GPHN: variants seen among roughly 807,000 people sequenced by gnomAD.
GPHN encodes the protein gephyrin.
A neutral mutation model predicts 95.5 loss-of-function variants in GPHN; 17 were observed. The observed-to-expected ratio is 0.18, with a 90% CI of 0.12 to 0.27. The LOEUF (loss-of-function observed/expected upper bound fraction) is 0.27, where lower values mean the gene tolerates loss of function less well. GPHN is among the 10% of genes least tolerant of loss of function. The pLI is 1.00. For synonymous variants in GPHN, 320 were observed against 322.5 expected (o/e 0.99, Z 0.08); for missense variants, 660 against 978.1 (o/e 0.67, Z 4.34).
At chr14:67,306,796 G>C in the GPHN span, among the ~76,000 whole-genome samples, 1 of 152,182 alleles carries the variant, frequency 6.6e-6, no homozygotes, top group Non-Finnish European at 1.5e-5. Context: ...AAAGGAAACA[G>C]TAATAGGAAA....
chr14:67,172,976 C>T (rs544556800), intron 21 of GPHN, among the ~76,000 whole-genome samples: 7 of 152,298 alleles, frequency 4.6e-5, no homozygotes, highest in South Asian at 2.1e-4. Context: ...CAGCCCCAAA[C>T]GTCCAGGGGC....
chr14:67,299,891 C>T, the GPHN span, among the ~76,000 whole-genome samples: 6 of 152,268 alleles, frequency 3.9e-5, no homozygotes, highest in East Asian at 1.2e-3. Context: ...TCTTCCCATC[C>T]TCAGAGTTTC....
chr14:67,597,632 C>G, the GPHN span, among the ~76,000 whole-genome samples: 2 of 151,838 alleles, frequency 1.3e-5, no homozygotes, highest in African/African-American at 4.8e-5. Context: ...ATTGAATAAG[C>G]ATTAAGAAGA....
chr14:66,956,822 G>A (rs1490053680), intron 8 of GPHN, among the ~76,000 whole-genome samples: 20 of 151,976 alleles, frequency 1.3e-4, no homozygotes, highest in Middle Eastern at 3.4e-3. Flanking sequence ...TAGGGATATG[G>A]ATGAAATTGG....
At chr14:67,572,256 C>T in the GPHN span, 67 of 1,603,958 alleles carry the variant, frequency 4.2e-5, no homozygotes, top group African/African-American at 2.1e-4. Context: ...CCTACTCCAC[C>T]GACGGGCTGG....
chr14:67,312,177 T>C, the GPHN span: 2 of 161,660 alleles, frequency 1.2e-5, no homozygotes, highest in African/African-American at 2.4e-5. Flanking sequence ...GATATCCTTG[T>C]ACATATCTGC....
At chr14:67,510,454 T>C in the GPHN span, among the ~76,000 whole-genome samples, 1 of 152,194 alleles carries the variant, frequency 6.6e-6, no homozygotes, top group Non-Finnish European at 1.5e-5. Context: ...CAGCTGGTGA[T>C]TTAATAAGCA....
the GPHN span, among the ~76,000 whole-genome samples, chr14:67,537,163 G>A: frequency 3.4e-5 from 5 of 146,764 alleles, no homozygotes; most frequent in Non-Finnish European, 7.5e-5. Context: ...TGGGCACCAT[G>A]GTGAAACCCT....
chr14:66,972,055 G>T (rs1001573580), intron 9 of GPHN, among the ~76,000 whole-genome samples: 1 of 151,826 alleles, frequency 6.6e-6, no homozygotes, highest in South Asian at 2.1e-4. Context: ...GTCACTTGAG[G>T]TCAGGAGTTC....
chr14:67,297,214 C>T, the GPHN span, among the ~76,000 whole-genome samples: 1 of 152,150 alleles, frequency 6.6e-6, no homozygotes, highest in East Asian at 1.9e-4. Flanking sequence ...CAGATGCCCA[C>T]CATTAGTATT....
chr14:67,343,640 G>T, the GPHN span, among the ~76,000 whole-genome samples: 1 of 152,244 alleles, frequency 6.6e-6, no homozygotes, highest in Non-Finnish European at 1.5e-5. Context: ...TGAGGTGGGA[G>T]AATCACTTGA....
At chr14:66,897,504 C>A (rs1007197086) in intron 5 of GPHN, among the ~76,000 whole-genome samples, 1 of 152,092 alleles carries the variant, frequency 6.6e-6, no homozygotes. Context: ...GCCCCCCTTT[C>A]CTAAACTCTG....
At chr14:67,595,228 C>T in the GPHN span, among the ~76,000 whole-genome samples, 31 of 152,286 alleles carry the variant, frequency 2.0e-4, no homozygotes, top group East Asian at 7.7e-4. Flanking sequence ...TTTACAGTAA[C>T]GTGTGGTAAA....
the GPHN span, among the ~76,000 whole-genome samples, chr14:67,537,349 T>TAATAATAAC: frequency 8.2e-6 from 1 of 121,460 alleles, no homozygotes; most frequent in East Asian, 2.2e-4. Flanking sequence ...ATCTCAAAAA[T>TAATAATAAC]AATAATAATA....
intron 1 of GPHN, among the ~76,000 whole-genome samples, chr14:66,528,827 A>G (rs1288640511): frequency 1.3e-5 from 2 of 152,122 alleles, no homozygotes; most frequent in East Asian, 3.9e-4. Flanking sequence ...TTCTGCCGAG[A>G]GATCTGCTGT....
Position 66,740,014 on chromosome 14 carries a change from A to G in GPHN, c.144-36450A>G, listed in dbSNP as rs541506228. On this transcript the variant is annotated intron_variant, in intron 2 of 22. Transcript: ENST00000478722. ...GGAGTATAACAGCAGAACAGATACA[A>G]TTGAAGAGAGAAATAGCAAAGTGAA... Among the ~76,000 whole-genome samples the G allele has an allele frequency of 3.6e-4, 55 of 152,324 alleles. No homozygotes were observed. The South Asian group carries it at 9.3e-3, about 26-fold the overall frequency.
intron 2 of GPHN, among the ~76,000 whole-genome samples, chr14:66,687,461 T>A (rs991077626): frequency 5.3e-5 from 8 of 151,736 alleles, no homozygotes; most frequent in African/African-American, 1.9e-4. Context: ...TTTACAATAT[T>A]ACTTCTTTTT....
chr14:66,951,596 A>T (rs1328193544), intron 8 of GPHN, among the ~76,000 whole-genome samples: 1 of 152,172 alleles, frequency 6.6e-6, no homozygotes, highest in African/African-American at 2.4e-5. Context: ...CAAAGGGCAA[A>T]AAAACAACCA....
the GPHN span, among the ~76,000 whole-genome samples, chr14:67,486,239 T>C: frequency 6.6e-6 from 1 of 152,224 alleles, no homozygotes; most frequent in Non-Finnish European, 1.5e-5. Context: ...ATGCTGTTCT[T>C]GTGATAGTGA....
Sources: allele counts gnomAD v4.1 joint callset (sites outside exome capture counted in the v4.1 genomes callset), GRCh38; gene constraint gnomAD v4.1.1; transcripts MANE v1.5; gene names NCBI Gene and HGNC (gene_info 2026-07-23, HGNC 2026-07-21).